USP24: variants seen among roughly 807,000 people sequenced by gnomAD.
The protein encoded by USP24 is ubiquitin carboxyl-terminal hydrolase 24.
Under a neutral mutation model 361.6 loss-of-function variants are expected in USP24, and 97 were observed. The observed-to-expected ratio is 0.27, with a 90% CI of 0.23 to 0.32. The LOEUF (loss-of-function observed/expected upper bound fraction) is 0.32. USP24 is among the 10% of genes least tolerant of loss of function. The pLI, the probability that USP24 is intolerant of heterozygous loss-of-function variation, is 1.00. For missense variants in USP24, 2,353 were observed against 3,165.6 expected, an observed-to-expected ratio of 0.74 and a Z score of 6.16; for synonymous variants, 1,098 against 1,124.6, an observed-to-expected ratio of 0.98 and a Z score of 0.47.
At chr1:55,174,908 G>A (rs1649805348) in intron 3 of USP24, among the ~76,000 whole-genome samples, 1 of 152,216 alleles carries the variant, frequency 6.6e-6, no homozygotes, top group Admixed American at 6.5e-5. Flanking sequence ...TGGGATTATA[G>A]TGCGAAGCAC....
In USP24 at chr1:55,093,993, T is replaced by A; in HGVS notation, c.6298A>T (p.Lys2100Ter). ...DRLSILTKLV[K>*]KGEKKGLFVE... The stretch of plus-strand genomic sequence containing the variant: ...AACAGTCCTTTCTTCTCGCCTTTTT[T>A]AACCAGCTTGGTAAGAATAGACAGC... The change falls in exon 52 of 68, where the codon AAA (lysine) becomes TAA (stop). Residue 2100 changes from lysine (K) to a stop codon, truncating the protein, a stop_gained. Transcript: ENST00000294383. LOFTEE classifies it high-confidence loss of function. 1 of 1,613,956 alleles carries A rather than the reference T, an allele frequency of 6.2e-7. No homozygotes were observed. Among genetic ancestry groups the A allele is most frequent in the Non-Finnish European group, 8.5e-7 (1 of 1,179,862 alleles).
intron 1 of USP24, among the ~76,000 whole-genome samples, chr1:55,203,531 C>T (rs1049442625): frequency 3.9e-5 from 6 of 152,218 alleles, no homozygotes; most frequent in Non-Finnish European, 8.8e-5. Context: ...ATTGTCAGTT[C>T]TACAGATAAT....
At chr1:55,111,441 A>G (rs1645950490) in intron 38 of USP24, among the ~76,000 whole-genome samples, 1 of 152,100 alleles carries the variant, frequency 6.6e-6, no homozygotes, top group Non-Finnish European at 1.5e-5. Flanking sequence ...AACAAGTATA[A>G]GCACAATAGC....
intron 1 of USP24, among the ~76,000 whole-genome samples, chr1:55,193,313 T>G (rs764020496): frequency 6.6e-6 from 1 of 152,094 alleles, no homozygotes; most frequent in Non-Finnish European, 1.5e-5. Flanking sequence ...TGGATACAGA[T>G]TTTGGTATCC....
At chr1:55,127,099 G>A (rs529362592) in intron 32 of USP24, among the ~76,000 whole-genome samples, 1 of 151,796 alleles carries the variant, frequency 6.6e-6, no homozygotes, top group African/African-American at 2.4e-5. Flanking sequence ...TAAGTTTTAG[G>A]GTATATGTGC....
intron 61 of USP24, among the ~76,000 whole-genome samples, chr1:55,077,994 T>C (rs1427793848): frequency 1.3e-5 from 2 of 152,202 alleles, no homozygotes. Flanking sequence ...TATAGGTCTG[T>C]AGAGAAAAGG....
intron 20 of USP24, among the ~76,000 whole-genome samples, chr1:55,145,698 G>A (rs995362458): frequency 6.6e-6 from 1 of 152,034 alleles, no homozygotes; most frequent in Non-Finnish European, 1.5e-5. Context: ...ACATCTGAAA[G>A]GAGGATTTCT....
intron 25 of USP24, 60 bp downstream of exon 25, chr1:55,138,884 G>A: frequency 1.3e-6 from 2 of 1,540,860 alleles, no homozygotes; most frequent in South Asian, 2.3e-5. Flanking sequence ...AGGCTGAGGT[G>A]GGAAGATCGC....
intron 1 of USP24, among the ~76,000 whole-genome samples, chr1:55,206,434 A>G (rs1480427172): frequency 6.6e-6 from 1 of 152,172 alleles, no homozygotes; most frequent in Non-Finnish European, 1.5e-5. Flanking sequence ...GGGAGTAGGA[A>G]TAAGAATGGG....
chr1:55,097,556 A>C, intron 48 of USP24, 42 bp downstream of exon 48: 2 of 1,525,050 alleles, frequency 1.3e-6, no homozygotes, highest in South Asian at 2.6e-5. Context: ...GTGAGTGAGG[A>C]AATGAATGGT....
At chr1:55,142,318 C>G (rs1462139824) in intron 23 of USP24, among the ~76,000 whole-genome samples, 1 of 152,140 alleles carries the variant, frequency 6.6e-6, no homozygotes, top group Non-Finnish European at 1.5e-5. Flanking sequence ...CTACTACTAA[C>G]TGTCTTGCTG....
intron 39 of USP24, among the ~76,000 whole-genome samples, chr1:55,108,495 A>G (rs886096428): frequency 1.3e-5 from 2 of 152,308 alleles, no homozygotes; most frequent in African/African-American, 4.8e-5. Flanking sequence ...TTGTTTCCTT[A>G]TTTATGCAAT....
intron 1 of USP24, among the ~76,000 whole-genome samples, chr1:55,190,699 G>T (rs1644263547): frequency 1.3e-5 from 2 of 152,268 alleles, no homozygotes; most frequent in Admixed American, 1.3e-4. Flanking sequence ...CAGTGCTGAG[G>T]ACAAAGATAA....
At chr1:55,162,305 A>T (rs1419950942) in intron 7 of USP24, 41 bp from the exon 8 acceptor site, 4 of 1,476,092 alleles carry the variant, frequency 2.7e-6, no homozygotes, top group South Asian at 1.4e-5. Context: ...ATTTGAGAGG[A>T]TTTTTTTCCT....
intron 7 of USP24, among the ~76,000 whole-genome samples, chr1:55,165,600 T>C (rs1283784788): frequency 6.6e-6 from 1 of 152,126 alleles, no homozygotes; most frequent in Non-Finnish European, 1.5e-5. Flanking sequence ...TTGCCACATA[T>C]AGCAACCAAC....
chr1:55,139,102 G>A, intron 24 of USP24, 92 bp from the exon 25 acceptor site: 1 of 1,138,732 alleles, frequency 8.8e-7, no homozygotes, highest in Non-Finnish European at 1.3e-6. Flanking sequence ...CACAATAACA[G>A]TTAGCACTCA....
chr1:55,203,288 G>A (rs1644624725), intron 1 of USP24, among the ~76,000 whole-genome samples: 1 of 152,300 alleles, frequency 6.6e-6, no homozygotes, highest in Non-Finnish European at 1.5e-5. Context: ...GACTTCCTCA[G>A]GTCAGAAGAA....
intron 7 of USP24, among the ~76,000 whole-genome samples, chr1:55,164,914 T>C (rs1223793642): frequency 6.6e-6 from 1 of 152,062 alleles, no homozygotes; most frequent in Non-Finnish European, 1.5e-5. Flanking sequence ...ACTTGATCTA[T>C]TGAATGGGGA....
chr1:55,137,443 T>C, intron 28 of USP24, 72 bp downstream of exon 28: 15 of 1,498,340 alleles, frequency 1.0e-5, no homozygotes, highest in Non-Finnish European at 1.3e-5. Context: ...GTTATACAGT[T>C]TGGAAGAGTC....
Sources: gnomAD v4.1 joint callset for allele counts (sites outside exome capture counted in the v4.1 genomes callset) on GRCh38, gnomAD v4.1.1 for gene constraint, MANE v1.5 for transcripts, NCBI Gene and HGNC (gene_info 2026-07-23, HGNC 2026-07-21) for gene names.